Variants in SPAG16 observed in about 807,000 individuals in gnomAD.
SPAG16 encodes sperm-associated antigen 16 protein.
SPAG16 carries 86 observed loss-of-function variants against 80.4 expected under a neutral mutation model. The observed-to-expected ratio is 1.07, with a 90% CI of 0.90 to 1.28. The LOEUF (loss-of-function observed/expected upper bound fraction) is 1.28, where lower values mean the gene tolerates loss of function less well. SPAG16 is among the 50% of genes most tolerant of loss of function. The pLI is 0.00. For missense variants in SPAG16, 870 were observed against 765.3 expected (o/e 1.14, Z -1.61); for synonymous variants, 294 against 265.9 (o/e 1.11, Z -1.03).
intron 11 of SPAG16, among the ~76,000 whole-genome samples, chr2:213,873,129 T>C (rs1157295134): frequency 6.6e-6 from 1 of 151,388 alleles, no homozygotes; most frequent in Non-Finnish European, 1.5e-5. Flanking sequence ...ATTTGTGAAG[T>C]AGTAGTGTTA....
intron 10 of SPAG16, among the ~76,000 whole-genome samples, chr2:213,822,682 G>A (rs2073019347): frequency 1.3e-5 from 2 of 152,226 alleles, no homozygotes; most frequent in African/African-American, 4.8e-5. Context: ...GTGTGCCATG[G>A]TGGTTTGCTG....
chr2:214,009,456 G>A lies in SPAG16; in HGVS notation c.1401-4495G>A, dbSNP rs967115279. 3.9e-5 allele frequency among the ~76,000 whole-genome samples: 6 copies of A among 152,114 alleles called. No individual in the cohort carries two copies. In the East Asian group the frequency reaches 5.8e-4, roughly 15 times the overall value. ...TCAATGCCAGTAAAAATTTACTTTAGATAATGTGTGTAATTTTACAGTTGC... is the reference window on the plus strand; with the variant it reads ...TCAATGCCAGTAAAAATTTACTTTAAATAATGTGTGTAATTTTACAGTTGC... On this transcript the variant is annotated intron_variant, in intron 12 of 15. Transcript: ENST00000331683.
intron 10 of SPAG16, among the ~76,000 whole-genome samples, chr2:213,702,022 A>T (rs2065453822): frequency 1.3e-5 from 2 of 152,170 alleles, no homozygotes; most frequent in African/African-American, 4.8e-5. Context: ...GAAGGTTTGT[A>T]AACTCACTAA....
At chr2:214,110,061 A>G (rs912822285) in intron 14 of SPAG16, among the ~76,000 whole-genome samples, 3 of 152,320 alleles carry the variant, frequency 2.0e-5, no homozygotes, top group East Asian at 1.9e-4. Context: ...AGCAATCAAG[A>G]GAGACATACA....
At chr2:214,031,905 A>G (rs1365503563) in intron 13 of SPAG16, among the ~76,000 whole-genome samples, 1 of 152,110 alleles carries the variant, frequency 6.6e-6, no homozygotes, top group Non-Finnish European at 1.5e-5. Flanking sequence ...CAAGGGGGAA[A>G]TCTGCCCCCA....
chr2:213,861,259 A>T (rs1004011929), intron 10 of SPAG16, among the ~76,000 whole-genome samples: 2 of 152,124 alleles, frequency 1.3e-5, no homozygotes, highest in Admixed American at 6.5e-5. Flanking sequence ...TTTAAAAATA[A>T]TTTTTCAGTT....
chr2:214,062,645 G>A (rs554027252), intron 13 of SPAG16, among the ~76,000 whole-genome samples: 4 of 146,578 alleles, frequency 2.7e-5, no homozygotes, highest in African/African-American at 1.0e-4. Flanking sequence ...TGGCACCACC[G>A]CACCTGTTGT....
chr2:214,197,489 A>G (rs2057877292), intron 15 of SPAG16, among the ~76,000 whole-genome samples: 1 of 151,986 alleles, frequency 6.6e-6, no homozygotes, highest in African/African-American at 2.4e-5. Context: ...CTATGAATGG[A>G]CCATACATAC....
chr2:213,906,263 T>C (rs1361287213), intron 11 of SPAG16, among the ~76,000 whole-genome samples: 1 of 148,580 alleles, frequency 6.7e-6, no homozygotes, highest in Admixed American at 6.8e-5. Flanking sequence ...GCATATACAA[T>C]AGAAACAAAA....
In SPAG16 at chr2:214,079,032, C is replaced by A. The variant is rs16851405; in HGVS notation, c.1528-29164C>A. On this transcript the variant is annotated intron_variant, in intron 13 of 15. Transcript: ENST00000331683. ...GTCTTGGTGTGATCTGTGGAATACA[C>A]GTTTAGGTCTTTCATGGCACCTCAG... Among the ~76,000 whole-genome samples the A allele has an allele frequency of 4.6e-5, 7 of 151,984 alleles. No individual in the cohort carries two copies. In the South Asian group the frequency reaches 1.5e-3, roughly 32 times the overall value.
intron 13 of SPAG16, among the ~76,000 whole-genome samples, chr2:214,091,587 A>T (rs572298047): frequency 6.6e-6 from 1 of 152,304 alleles, no homozygotes; most frequent in Admixed American, 6.5e-5. Context: ...TATTCAGTGT[A>T]TGCAATTATT....
chr2:214,004,392 A>C (rs1418995106), intron 12 of SPAG16, among the ~76,000 whole-genome samples: 1 of 152,130 alleles, frequency 6.6e-6, no homozygotes, highest in African/African-American at 2.4e-5. Context: ...ATCCTCCAGC[A>C]GAGACGGGGA....
chr2:213,941,156 C>T (rs545949781), intron 12 of SPAG16, among the ~76,000 whole-genome samples: 15 of 152,248 alleles, frequency 9.9e-5, no homozygotes, highest in African/African-American at 3.4e-4. Flanking sequence ...CTCTCACTTA[C>T]CTCTGATGTC....
In SPAG16 at chr2:213,458,503, C is replaced by T. The variant is rs569318131; in HGVS notation, c.943-31460C>T. 1.6e-3 allele frequency among the ~76,000 whole-genome samples: 237 copies of T among 152,152 alleles called. 1 individual carries two copies. Among genetic ancestry groups the T allele is most frequent in the African/African-American group, 5.3e-3 (221 of 41,498 alleles). On this transcript the variant is annotated intron_variant, in intron 9 of 15. Coordinates refer to ENST00000331683, the MANE Select transcript of SPAG16 (RefSeq NM_024532.5). ...AGGAGAATCGCTTGAATCCAGGAGG[C>T]GGACGTGGCAGTGAGCTGAGATCGC...
intron 15 of SPAG16, among the ~76,000 whole-genome samples, chr2:214,263,188 T>C (rs1209461757): frequency 6.6e-6 from 1 of 152,130 alleles, no homozygotes; most frequent in Non-Finnish European, 1.5e-5. Flanking sequence ...ACAGAAAGTT[T>C]GTTCTTGATT....
At chr2:214,297,107 T>C (rs1212469985) in intron 15 of SPAG16, among the ~76,000 whole-genome samples, 2 of 152,234 alleles carry the variant, frequency 1.3e-5, no homozygotes, top group African/African-American at 4.8e-5. Flanking sequence ...GTCTCAGTTT[T>C]TCCTTTATAT....
chr2:214,030,753 C>T (rs191656105), intron 13 of SPAG16, among the ~76,000 whole-genome samples: 118 of 152,288 alleles, frequency 7.7e-4, no homozygotes, highest in African/African-American at 2.6e-3. Context: ...CCCCTAACCT[C>T]ACGTTTATCT....
At chr2:214,025,910 G>A (rs1510551) in intron 13 of SPAG16, among the ~76,000 whole-genome samples, 98,309 of 151,206 alleles carry the variant, frequency 0.65, 32,897 homozygotes, top group Non-Finnish European at 0.72. Context: ...AAATTAAACT[G>A]TAAACTTCTG....
At chr2:214,353,083 A>G (rs184683178) in intron 15 of SPAG16, among the ~76,000 whole-genome samples, 21 of 152,048 alleles carry the variant, frequency 1.4e-4, no homozygotes, top group African/African-American at 5.1e-4. Flanking sequence ...TCTTTTAATT[A>G]TTTTATATCA....
Sources: allele counts gnomAD v4.1 joint callset (sites outside exome capture counted in the v4.1 genomes callset), GRCh38; gene constraint gnomAD v4.1.1; transcripts MANE v1.5; gene names NCBI Gene and HGNC (gene_info 2026-07-23, HGNC 2026-07-21).